The following PIR variants were observed in gnomAD, a reference collection of about 807,000 sequenced individuals.
PIR encodes the protein pirin.
Under a neutral mutation model 24.2 loss-of-function variants are expected in PIR, and 22 were observed. The ratio of observed to expected loss-of-function variants is 0.91; its 90% CI spans 0.65 to 1.30. PIR has a LOEUF of 1.30. Ranked by LOEUF, PIR falls within the 50% of genes most tolerant of loss-of-function variation. The pLI is 0.00. For missense variants in PIR, 220 were observed against 220.3 expected (o/e 1.00, Z 0.01); for synonymous variants, 80 against 79.6 (o/e 1.00, Z -0.03).
At chrX:15,416,499 G>T (rs1176120166) in intron 6 of PIR, among the ~76,000 whole-genome samples, 3 of 111,405 alleles carry the variant, frequency 2.7e-5, no homozygotes, top group African/African-American at 9.8e-5. Flanking sequence ...ACTTGTTTTC[G>T]AGTCATTGAC....
intron 5 of PIR, among the ~76,000 whole-genome samples, chrX:15,455,048 G>A (rs1405700043): frequency 8.9e-6 from 1 of 111,863 alleles, no homozygotes; most frequent in African/African-American, 3.3e-5. Flanking sequence ...TCCTTTTACT[G>A]TTCTCCTAGG....
At chrX:15,422,050 C>CATCA (rs1925147633) in intron 6 of PIR, among the ~76,000 whole-genome samples, 1 of 111,187 alleles carries the variant, frequency 9.0e-6, no homozygotes, top group African/African-American at 3.3e-5. Context: ...GAAGAAAAAA[C>CATCA]ATCATTATTT....
intron 2 of PIR, among the ~76,000 whole-genome samples, chrX:15,480,230 C>T (rs898745241): frequency 9.1e-6 from 1 of 110,092 alleles, no homozygotes; most frequent in Non-Finnish European, 1.9e-5. Flanking sequence ...TCCTTGCCTT[C>T]CACCATGAAT....
At chrX:15,409,338 C>T (rs1458627526) in intron 6 of PIR, among the ~76,000 whole-genome samples, 1 of 109,084 alleles carries the variant, frequency 9.2e-6, no homozygotes, top group East Asian at 2.8e-4. Context: ...ACCTCGTGAT[C>T]CACCCGCCTC....
intron 3 of PIR, among the ~76,000 whole-genome samples, chrX:15,468,364 G>T (rs1054331155): frequency 8.9e-6 from 1 of 112,287 alleles, no homozygotes; most frequent in African/African-American, 3.2e-5. Flanking sequence ...ATAGAGGGAA[G>T]TTCTTCTGCT....
intron 2 of PIR, among the ~76,000 whole-genome samples, chrX:15,485,898 A>G (rs909188007): frequency 8.9e-6 from 1 of 112,202 alleles, no homozygotes; most frequent in African/African-American, 3.2e-5. Flanking sequence ...AAATGTTTTC[A>G]CTAAGTCCCC....
chrX:15,489,980 T>A (rs1469701007), intron 2 of PIR, among the ~76,000 whole-genome samples: 1 of 111,722 alleles, frequency 9.0e-6, no homozygotes, highest in Middle Eastern at 4.2e-3. Flanking sequence ...TCAGGAGGAA[T>A]GAGTTCAAGA....
At chrX:15,423,171 C>T (rs1192796142) in intron 6 of PIR, among the ~76,000 whole-genome samples, 2 of 111,992 alleles carry the variant, frequency 1.8e-5, no homozygotes, top group African/African-American at 6.5e-5. Context: ...AAATATGAAA[C>T]TACTACAAGT....
intron 5 of PIR, among the ~76,000 whole-genome samples, chrX:15,437,628 A>C (rs984978003): frequency 2.7e-5 from 3 of 112,161 alleles, no homozygotes; most frequent in African/African-American, 6.5e-5. Flanking sequence ...AAATGAACAA[A>C]ATTTTAGCCA....
In PIR at chrX:15,446,187, G is replaced by A. The variant is rs183824248; in HGVS notation, c.480+9661C>T. On this transcript the variant is annotated intron_variant, in intron 5 of 9. Coordinates refer to ENST00000380420, the MANE Select transcript of PIR (RefSeq NM_001018109.3). ...AATTTGAAAAGTTTAAAAAAACTAA[G>A]AGAGAGAAACACACAAATTACCAAA... 5.2e-3 allele frequency among the ~76,000 whole-genome samples: 580 copies of A among 112,037 alleles called. 1 individual carries two copies. Among genetic ancestry groups the A allele is most frequent in the South Asian group, 0.015 (42 of 2,717 alleles).
intron 8 of PIR, among the ~76,000 whole-genome samples, chrX:15,393,709 C>T (rs1265656663): frequency 9.2e-6 from 1 of 108,738 alleles, no homozygotes; most frequent in Non-Finnish European, 1.9e-5. Flanking sequence ...GAATCTAATG[C>T]CTAATGATCT....
intron 2 of PIR, among the ~76,000 whole-genome samples, chrX:15,487,584 G>A (rs1441631969): frequency 2.7e-5 from 3 of 112,306 alleles, no homozygotes; most frequent in Non-Finnish European, 5.6e-5. Flanking sequence ...GACCCATGGA[G>A]AATCACATTA....
chrX:15,430,613 G>T (rs187542832), intron 5 of PIR, among the ~76,000 whole-genome samples: 238 of 111,129 alleles, frequency 2.1e-3, no homozygotes, highest in African/African-American at 6.7e-3. Context: ...ACAAAACAAG[G>T]TCTATAAAAC....
chrX:15,456,534 G>A (rs1921092070), intron 4 of PIR, among the ~76,000 whole-genome samples: 1 of 112,381 alleles, frequency 8.9e-6, no homozygotes, highest in South Asian at 3.7e-4. Context: ...AGACAATGTG[G>A]CCAAGTTTTT....
At chrX:15,466,006 GTTTTT>G (rs200803758) in intron 3 of PIR, among the ~76,000 whole-genome samples, 11,984 of 62,030 alleles carry the variant, frequency 0.19, 495 homozygotes, top group East Asian at 0.42. Flanking sequence ...AATGGTGGCT[GTTTTT>G]TTTTTTTTTT....
chrX:15,461,806 A>AT (rs1569207686), intron 3 of PIR, among the ~76,000 whole-genome samples: 1 of 112,191 alleles, frequency 8.9e-6, no homozygotes, highest in Non-Finnish European at 1.9e-5. Context: ...AAATAAATAA[A>AT]ACAAAAACAA....
intron 3 of PIR, among the ~76,000 whole-genome samples, chrX:15,465,701 T>C (rs1220066164): frequency 4.5e-5 from 5 of 112,323 alleles, no homozygotes; most frequent in African/African-American, 1.6e-4. Flanking sequence ...TCTTATTTCC[T>C]TGTGTGTTTG....
intron 4 of PIR, among the ~76,000 whole-genome samples, chrX:15,457,128 C>G (rs959802815): frequency 4.5e-5 from 5 of 112,058 alleles, no homozygotes; most frequent in Non-Finnish European, 9.4e-5. Flanking sequence ...GGAATTCAAT[C>G]CCACTGGGAA....
chrX:15,396,810 G>T (rs1264737602), intron 8 of PIR, among the ~76,000 whole-genome samples: 4 of 108,197 alleles, frequency 3.7e-5, no homozygotes, highest in Non-Finnish European at 5.7e-5. Flanking sequence ...GCGCAATCTC[G>T]GCTCACTGCA....
Sources: gnomAD v4.1 joint callset for allele counts (sites outside exome capture counted in the v4.1 genomes callset) on GRCh38, gnomAD v4.1.1 for gene constraint, MANE v1.5 for transcripts, NCBI Gene and HGNC (gene_info 2026-07-23, HGNC 2026-07-21) for gene names.